The following LRRC4B variants were observed in gnomAD, a reference collection of about 807,000 sequenced individuals.
LRRC4B encodes the protein leucine-rich repeat-containing protein 4B.
In LRRC4B, 1 loss-of-function variant was observed where a neutral mutation model predicts 7.3. The ratio of observed to expected loss-of-function variants is 0.14; its 90% CI spans 0.05 to 0.65. LRRC4B has a LOEUF of 0.65. LRRC4B is among the 30% of genes least tolerant of loss of function. LRRC4B has a pLI of 0.84. For synonymous variants in LRRC4B, 500 were observed against 499.2 expected, an observed-to-expected ratio of 1.00 and a Z score of -0.02; for missense variants, 730 against 1,041.6, an observed-to-expected ratio of 0.70 and a Z score of 4.12.
In LRRC4B at chr19:50,518,519, C is replaced by T. The variant is rs1325695952; in HGVS notation, c.1194G>A (p.Thr398=). The part of the protein sequence containing the change: ...GTSMTSVNWL[T]PNGTLMTHGS... ...CGTGGGTCATGAGGGTGCCGTTGGG[C>T]GTCAGCCAGTTGACGGAGGTCATGG... The change falls in exon 3 of 3, where the codon ACG becomes ACA. Residue 398 remains threonine (T), a synonymous_variant. Transcript: ENST00000652263. The T allele has an allele frequency of 1.4e-5, 22 of 1,570,122 alleles. No individual in the cohort carries two copies. Among genetic ancestry groups the T allele is most frequent in the South Asian group, 6.0e-5 (5 of 83,568 alleles).
intron 2 of LRRC4B, among the ~76,000 whole-genome samples, chr19:50,527,796 C>T (rs1387357920): frequency 4.2e-5 from 6 of 142,354 alleles, no homozygotes; most frequent in East Asian, 2.2e-4. Context: ...GGCTGGAGTG[C>T]GGTGGCACGA....
intron 2 of LRRC4B, among the ~76,000 whole-genome samples, chr19:50,547,843 A>G (rs1981880507): frequency 6.6e-6 from 1 of 151,570 alleles, no homozygotes; most frequent in African/African-American, 2.4e-5. Flanking sequence ...AGTCATCATT[A>G]ATTGAGTGGC....
In LRRC4B at chr19:50,559,859, C is replaced by T. The variant is rs943265071; in HGVS notation, c.-36+8085G>A. Among the ~76,000 whole-genome samples the T allele has an allele frequency of 5.9e-5, 9 of 152,076 alleles. No homozygotes were observed. The East Asian group carries it at 9.6e-4, about 16-fold the overall frequency. On this transcript the variant is annotated intron_variant, in intron 1 of 2. Coordinates refer to ENST00000652263, the MANE Select transcript of LRRC4B (RefSeq NM_001080457.2). ...TGTTAAGAGGCAGATTCTGGCCGGG[C>T]GCAGTGGCTCACGCCTGTAATCCCA...
rs1401006366 is a variant in LRRC4B, at chr19:50,518,191, C to G, written c.1522G>C (p.Gly508Arg). 6.2e-7 allele frequency: 1 copy of G among 1,608,396 alleles called. No homozygotes were observed. Residue 508 changes from glycine (G) to arginine (R), a missense_variant, in exon 3 of 3, where the codon GGG becomes CGG. Gly to Arg is a moderately radical substitution (Grantham distance 125). Coordinates refer to ENST00000652263, the MANE Select transcript of LRRC4B (RefSeq NM_001080457.2). ...QPGEEALQPR[G>R]TEKEPPGPTT... ...GGCCCTGGCGGTTCCTTCTCCGTCC[C>G]CCGCGGCTGCAGGGCCTCCTCTCCG... is the stretch of plus-strand genomic sequence containing the variant.
In LRRC4B at chr19:50,517,721, G is replaced by A; in HGVS notation, c.1992C>T (p.His664=). 1 of 1,553,450 alleles carries A rather than the reference G, an allele frequency of 6.4e-7. No individual in the cohort carries two copies. The highest frequency in any genetic ancestry group is 1.4e-5 in the African/African-American group (1 of 71,196). ...GCGCCTTGAAGGCGGCAGCCACGTA[G>A]TGGTGGTGGTTGAGGTGGTCTCGCT... ...ALERDHLNHH[H]YVAAAFKAHY... Residue 664 remains histidine (H), a synonymous_variant, in exon 3 of 3, where the codon CAC becomes CAT. Transcript: ENST00000652263. The surrounding 1 kb of genome is among the most constrained non-coding windows in gnomAD (Gnocchi z 6.6).
In LRRC4B at chr19:50,518,198, C is replaced by T. The variant is rs1236117677; in HGVS notation, c.1515G>A (p.Gln505=). Residue 505 remains glutamine (Q), a synonymous_variant, in exon 3 of 3, where the codon CAG becomes CAA. Transcript: ENST00000652263. ...LETQPGEEAL[Q]PRGTEKEPPG... is the part of the protein sequence containing the mutation. The stretch of plus-strand genomic sequence containing the variant: ...GCGGTTCCTTCTCCGTCCCCCGCGG[C>T]TGCAGGGCCTCCTCTCCGGGCTGCG... 1 of 1,608,844 alleles carries T rather than the reference C, an allele frequency of 6.2e-7. No homozygotes were observed. Among genetic ancestry groups the T allele is most frequent in the Middle Eastern group, 1.7e-4 (1 of 6,046 alleles).
chr19:50,518,360 G>T lies in LRRC4B; in HGVS notation c.1353C>A (p.Leu451=). 1 of 1,602,408 alleles carries T rather than the reference G, an allele frequency of 6.2e-7. No homozygotes were observed. ...CCACGGGGTCCACGGCCGAGACGTT[G>T]AGCGTGGCCGAGGCGGTGGTGTTGC... ...SAGNTTASAT[L]NVSAVDPVAA... is the part of the protein sequence containing the mutation. Residue 451 remains leucine, a synonymous_variant, in exon 3 of 3, where the codon CTC becomes CTA. Transcript: ENST00000652263.
rs909223030 is a variant in LRRC4B at position 50,555,453 on chromosome 19, G to A, written c.-35-6580C>T. 19 of 153,296 alleles carry A rather than the reference G, an allele frequency of 1.2e-4. No individual in the cohort carries two copies. The highest frequency in any genetic ancestry group is 9.8e-4 in the Admixed American group (15 of 15,292). 9.5% of individuals were successfully genotyped at this position (153,296 alleles called of 1,614,324 possible). On this transcript the variant is annotated intron_variant, in intron 1 of 2. Transcript: ENST00000652263. This position sits in a 1 kb window ranked among gnomAD's most constrained non-coding sequence, Gnocchi z 5.2. Reference sequence around the variant, plus strand: ...GAAGGACCCCAAAGAGGAGAAGTACGAGGGGCAGAGAGTGGCAGAGTCACA... The same window carrying A: ...GAAGGACCCCAAAGAGGAGAAGTACAAGGGGCAGAGAGTGGCAGAGTCACA...
rs182318234 is a variant in LRRC4B at position 50,544,656 on chromosome 19, C to T, written c.297+3886G>A. ...AGACACCAAAGCGAAGGAGAGCTAC[C>T]CATGGCTGTGGGATTATGGTTGGCT... On this transcript the variant is annotated intron_variant, in intron 2 of 2. Coordinates refer to ENST00000652263, the MANE Select transcript of LRRC4B (RefSeq NM_001080457.2). Among the ~76,000 whole-genome samples the T allele has an allele frequency of 1.1e-3, 161 of 152,192 alleles. 1 individual carries two copies. Among genetic ancestry groups the T allele is most frequent in the African/African-American group, 3.8e-3 (156 of 41,520 alleles).
chr19:50,529,526 C>T (rs145653701), intron 2 of LRRC4B, among the ~76,000 whole-genome samples: 8 of 152,214 alleles, frequency 5.3e-5, no homozygotes, highest in African/African-American at 1.7e-4. Context: ...ACCAAGAGGC[C>T]GGACACGGTG....
intron 1 of LRRC4B, among the ~76,000 whole-genome samples, chr19:50,552,034 G>A (rs570018964): frequency 1.3e-5 from 2 of 152,194 alleles, no homozygotes; most frequent in Admixed American, 6.5e-5. Flanking sequence ...GGAGGCAGCC[G>A]AGGAAGGTCG....
chr19:50,539,715 C>T (rs1465713325), intron 2 of LRRC4B, among the ~76,000 whole-genome samples: 5 of 151,648 alleles, frequency 3.3e-5, no homozygotes, highest in Non-Finnish European at 5.9e-5. Flanking sequence ...GGTGAAACCC[C>T]GTCTCTACCA....
chr19:50,518,280 C>T lies in LRRC4B; in HGVS notation c.1433G>A (p.Gly478Glu). Residue 478 changes from glycine to glutamate, a missense_variant, in exon 3 of 3, where the codon GGA (glycine) becomes GAA (glutamate). This residue lies in a region of LRRC4B where 192 missense variants were observed against 228.6 expected (regional missense o/e 0.84). Transcript: ENST00000652263. ...GGGPGGSGGV[G>E]GGSGGYTYFT... ...GTAGGTGTAGCCGCCACTGCCCCCTCCAACACCACCACTGCCCCCAGGGCC... is the reference window on the plus strand; with the variant it reads ...GTAGGTGTAGCCGCCACTGCCCCCTTCAACACCACCACTGCCCCCAGGGCC... 2.5e-6 allele frequency: 4 copies of T among 1,599,416 alleles called. No individual in the cohort carries two copies. Among genetic ancestry groups the T allele is most frequent in the Non-Finnish European group, 3.4e-6 (4 of 1,173,570 alleles).
intron 2 of LRRC4B, among the ~76,000 whole-genome samples, chr19:50,538,911 C>T (rs1015189152): frequency 2.0e-5 from 3 of 146,710 alleles, no homozygotes; most frequent in South Asian, 2.2e-4. Context: ...TTTTTCAAGA[C>T]GGATTCTTGC....
chr19:50,529,677 C>T (rs916165586), intron 2 of LRRC4B, among the ~76,000 whole-genome samples: 3 of 152,022 alleles, frequency 2.0e-5, no homozygotes, highest in Non-Finnish European at 4.4e-5. Context: ...TGATGATGCA[C>T]GCCTGTAATC....
intron 2 of LRRC4B, among the ~76,000 whole-genome samples, chr19:50,546,335 A>AAAAT (rs753767251): frequency 8.1e-4 from 124 of 152,176 alleles, no homozygotes; most frequent in Middle Eastern, 3.4e-3. Context: ...ACTCTGTCTC[A>AAAAT]AAATAAATAA....
In LRRC4B at chr19:50,518,240, G is replaced by A. The variant is rs1288477889; in HGVS notation, c.1473C>T (p.Thr491=). 5.6e-6 allele frequency: 9 copies of A among 1,607,174 alleles called. No homozygotes were observed. In the East Asian group the frequency reaches 1.1e-4, roughly 20 times the overall value. ...CGGGCTGCGTCTCCAGGGTCTCCAC[G>A]GTCACCGTGGTGAAGTAGGTGTAGC... The part of the protein sequence containing the change: ...SGGYTYFTTV[T]VETLETQPGE... The change falls in exon 3 of 3, where the codon ACC becomes ACT. Residue 491 remains threonine, a synonymous_variant. Coordinates refer to ENST00000652263, the MANE Select transcript of LRRC4B (RefSeq NM_001080457.2).
In LRRC4B at chr19:50,526,771, A is replaced by C. The variant is rs7250614; in HGVS notation, c.298-7356T>G. Among the ~76,000 whole-genome samples the C allele has an allele frequency of 4.2e-3, 643 of 152,216 alleles. 10 individuals are homozygous for C. Among genetic ancestry groups the C allele is most frequent in the African/African-American group, 0.015 (606 of 41,524 alleles). ...AATTGGCCAAAATACATCTACCCAG[A>C]GCTAATTTATGTTAATCATTTGGCA... is the stretch of plus-strand genomic sequence containing the variant. On this transcript the variant is annotated intron_variant, in intron 2 of 2. Coordinates refer to ENST00000652263, the MANE Select transcript of LRRC4B (RefSeq NM_001080457.2).
At chr19:50,522,093 G>A (rs530621561) in intron 2 of LRRC4B, among the ~76,000 whole-genome samples, 3 of 152,196 alleles carry the variant, frequency 2.0e-5, no homozygotes, top group East Asian at 1.9e-4. Context: ...TGGGAGGATC[G>A]CCTGAGCCCA....
Sources: gnomAD v4.1 joint callset for allele counts (sites outside exome capture counted in the v4.1 genomes callset) on GRCh38, gnomAD v4.1.1 for gene constraint, gnomAD v4.1.1 regional missense constraint, Gnocchi (gnomAD v3.1) non-coding constraint, MANE v1.5 for transcripts, NCBI Gene and HGNC (gene_info 2026-07-23, HGNC 2026-07-21) for gene names.